CFAP46: variants seen among roughly 807,000 people sequenced by gnomAD.
The protein encoded by CFAP46 is cilia and flagella associated protein 46.
CFAP46 carries 245 observed loss-of-function variants against 325.7 expected under a neutral mutation model. That is an observed-to-expected ratio of 0.75 (90% CI 0.68 to 0.84). CFAP46 has a LOEUF of 0.84. Ranked by LOEUF, CFAP46 falls within the 40% of genes least tolerant of loss-of-function variation. CFAP46 has a pLI of 0.00. For missense variants in CFAP46, 3,346 were observed against 3,543.0 expected (o/e 0.94, Z 1.41); for synonymous variants, 1,523 against 1,495.9 (o/e 1.02, Z -0.42).
intron 50 of CFAP46, among the ~76,000 whole-genome samples, chr10:132,816,208 T>C (rs1199947516): frequency 2.0e-5 from 3 of 151,978 alleles, no homozygotes; most frequent in Admixed American, 6.6e-5. Flanking sequence ...TAGCGCTGTG[T>C]CTTTCCGTTT....
At chr10:132,905,095 T>C (rs922740139) in intron 22 of CFAP46, among the ~76,000 whole-genome samples, 3 of 152,232 alleles carry the variant, frequency 2.0e-5, no homozygotes, top group African/African-American at 7.2e-5. Flanking sequence ...CCAGCATATG[T>C]TATCTGCGCT....
rs111794652 is a variant in CFAP46, at chr10:132,827,329, C to T, written c.7117+6029G>A. 6.6e-6 allele frequency among the ~76,000 whole-genome samples: 1 copy of T among 152,142 alleles called. No individual in the cohort carries two copies. Among genetic ancestry groups the T allele is most frequent in the Non-Finnish European group, 1.5e-5 (1 of 68,022 alleles). On this transcript the variant is annotated intron_variant, in intron 50 of 57. Transcript: ENST00000368586. The surrounding 1 kb of genome is among the most constrained non-coding windows in gnomAD (Gnocchi z 5.7). ...TCAGACGGAGAACAGCTATAAGCTG[C>T]CACGCCGACTGCTGTGGGAGCTCCT...
intron 22 of CFAP46, among the ~76,000 whole-genome samples, chr10:132,905,092 A>C (rs1219259958): frequency 6.6e-6 from 1 of 152,098 alleles, no homozygotes. Context: ...CTACCAGCAT[A>C]TGTTATCTGC....
At chr10:132,898,817 C>T in intron 24 of CFAP46, 142 bp downstream of exon 24, 5 of 1,180,766 alleles carry the variant, frequency 4.2e-6, no homozygotes, top group Non-Finnish European at 6.1e-6. Flanking sequence ...CCCCTTAACC[C>T]CCTCCCCTCC....
intron 2 of CFAP46, 52 bp downstream of exon 2, chr10:132,941,928 C>T: frequency 1.3e-6 from 2 of 1,546,002 alleles, no homozygotes; most frequent in Non-Finnish European, 1.7e-6. Flanking sequence ...CCCAGAGGCC[C>T]TCCCTCTCCC....
intron 36 of CFAP46, 77 bp downstream of exon 36, chr10:132,860,705 C>A: frequency 6.9e-7 from 1 of 1,457,874 alleles, no homozygotes; most frequent in Non-Finnish European, 9.3e-7. Flanking sequence ...CAGGCAGAGC[C>A]CCATGGACGC....
At chr10:132,935,897 C>T (rs1849994173) in intron 7 of CFAP46, among the ~76,000 whole-genome samples, 1 of 140,700 alleles carries the variant, frequency 7.1e-6, no homozygotes. Context: ...CTCCTCACTC[C>T]CCTCATCATC....
Position 132,878,018 on chromosome 10 carries a change from A to G in CFAP46, c.4075T>C (p.Leu1359=). The change falls in exon 30 of 58, where the codon TTA becomes CTA. Residue 1359 remains leucine, a synonymous_variant. Transcript: ENST00000368586. ...RPLAATSSHL[L]LPKKEKENER... is the part of the protein sequence containing the mutation. The stretch of plus-strand genomic sequence containing the variant: ...TTCTCCTTCTCTTTTTTAGGCAATA[A>G]CAGATGTGAGCTGGTTGCTGCCAGG... The G allele has an allele frequency of 6.5e-7, 1 of 1,544,600 alleles. No individual in the cohort carries two copies. The highest frequency in any genetic ancestry group is 8.7e-7 in the Non-Finnish European group (1 of 1,144,042).
chr10:132,928,343 A>C (rs1849841794), intron 9 of CFAP46, among the ~76,000 whole-genome samples: 1 of 152,156 alleles, frequency 6.6e-6, no homozygotes, highest in Admixed American at 6.5e-5. Context: ...AATGGGGCCC[A>C]CAGAAGCCGG....
At chr10:132,888,169 C>A (rs897258779) in intron 25 of CFAP46, among the ~76,000 whole-genome samples, 2 of 151,754 alleles carry the variant, frequency 1.3e-5, no homozygotes, top group African/African-American at 4.8e-5. Context: ...TCTGCTGCAT[C>A]GAGCGCCCGA....
At chr10:132,899,226 T>C in intron 23 of CFAP46, 105 bp from the exon 24 acceptor site, 1 of 1,263,546 alleles carries the variant, frequency 7.9e-7, no homozygotes, top group Admixed American at 2.5e-5. Context: ...AGCCACACGC[T>C]CGCTCCCTCC....
intron 44 of CFAP46, among the ~76,000 whole-genome samples, chr10:132,838,811 C>T (rs570519702): frequency 4.6e-5 from 7 of 152,388 alleles, no homozygotes; most frequent in Non-Finnish European, 7.3e-5. Flanking sequence ...GCTGCACCCA[C>T]GGGCTACTGT....
At chr10:132,823,019 C>CAGTGA (rs1847913700) in intron 50 of CFAP46, among the ~76,000 whole-genome samples, 1 of 95,708 alleles carries the variant, frequency 1.0e-5, no homozygotes, top group African/African-American at 4.3e-5. Flanking sequence ...GCTGTGTGTG[C>CAGTGA]TGTGTGCTGT....
intron 50 of CFAP46, among the ~76,000 whole-genome samples, chr10:132,816,249 ATC>A (rs1172165174): frequency 4.8e-5 from 7 of 144,816 alleles, no homozygotes; most frequent in Non-Finnish European, 1.0e-4. Flanking sequence ...TCTCTGTGGC[ATC>A]TCTGTTTCCC....
chr10:132,820,164 G>T (rs1041520829), intron 50 of CFAP46, among the ~76,000 whole-genome samples: 3 of 152,246 alleles, frequency 2.0e-5, no homozygotes, highest in East Asian at 1.9e-4. Flanking sequence ...GACGGAGCAG[G>T]TCTCAGCCTT....
At chr10:132,856,749 T>A (rs900280508) in intron 39 of CFAP46, among the ~76,000 whole-genome samples, 3 of 152,232 alleles carry the variant, frequency 2.0e-5, no homozygotes, top group African/African-American at 7.2e-5. Context: ...TGCCCATTGA[T>A]CAATTTGCTT....
chr10:132,896,112 TGGTGAGAA>T (rs1849315970), intron 24 of CFAP46, among the ~76,000 whole-genome samples: 1 of 55,578 alleles, frequency 1.8e-5, no homozygotes, highest in Non-Finnish European at 3.9e-5. Flanking sequence ...CATGAAGACA[TGGTGAGAA>T]GGCAGCCAGG....
chr10:132,845,095 C>T (rs943494568), intron 44 of CFAP46, among the ~76,000 whole-genome samples: 40 of 152,322 alleles, frequency 2.6e-4, no homozygotes, highest in African/African-American at 9.6e-4. Context: ...CATTTTAATT[C>T]CCGCTTGCCA....
At position 132,942,175 on chromosome 10, in the gene CFAP46, C is replaced by T. The variant is rs370629283; in HGVS notation, c.50-71G>A. ...AGAAGTGAGCCGGGCAACGCCATCC[C>T]GAAGGCCCCAGGCAGCCGCCTTGGG... On this transcript the variant is annotated intron_variant, in intron 1 of 57. Transcript: ENST00000368586. 63 of 1,533,198 alleles carry T rather than the reference C, an allele frequency of 4.1e-5. No individual in the cohort carries two copies. In the East Asian group the frequency reaches 4.4e-4, roughly 11 times the overall value. 95.0% of individuals were successfully genotyped at this position (1,533,198 alleles called of 1,614,324 possible).
Sources: gnomAD v4.1 joint callset for allele counts (sites outside exome capture counted in the v4.1 genomes callset) on GRCh38, gnomAD v4.1.1 for gene constraint, Gnocchi (gnomAD v3.1) non-coding constraint, MANE v1.5 for transcripts, NCBI Gene and HGNC (gene_info 2026-07-23, HGNC 2026-07-21) for gene names.